The following NCS1 variants were observed in gnomAD, a reference collection of about 807,000 sequenced individuals.
NCS1 encodes frequenin homolog.
In NCS1, 6 loss-of-function variants were observed where a neutral mutation model predicts 28.4. The ratio of observed to expected loss-of-function variants is 0.21; its 90% CI spans 0.12 to 0.42. The LOEUF (loss-of-function observed/expected upper bound fraction) is 0.42. NCS1 is among the 10% of genes least tolerant of loss of function. The pLI, the probability that NCS1 is intolerant of heterozygous loss-of-function variation, is 1.00. For synonymous variants in NCS1, 86 were observed against 99.3 expected, an observed-to-expected ratio of 0.87 and a Z score of 0.79; for missense variants, 131 against 241.4, an observed-to-expected ratio of 0.54 and a Z score of 3.03.
intron 2 of NCS1, among the ~76,000 whole-genome samples, chr9:130,216,706 ACT>A (rs1236355414): frequency 7.1e-6 from 1 of 141,202 alleles, no homozygotes; most frequent in Non-Finnish European, 1.5e-5. Context: ...ACACAGTGAG[ACT>A]CTGTCTCAAA....
chr9:130,219,075 G>A lies in NCS1; in HGVS notation c.229-650G>A, dbSNP rs1302464977. ...ATGTGGTAGCTTGTGTCACCTCCGG[G>A]CAGTGGCTGCACGGATAGCTGTTGG... On this transcript the variant is annotated intron_variant, in intron 3 of 7. Coordinates refer to ENST00000372398, the MANE Select transcript of NCS1 (RefSeq NM_014286.4). This position sits in a 1 kb window ranked among gnomAD's most constrained non-coding sequence, Gnocchi z 5.7. Among the ~76,000 whole-genome samples the A allele has an allele frequency of 2.0e-5, 3 of 152,104 alleles. No homozygotes were observed. The highest frequency in any genetic ancestry group is 7.2e-5 in the African/African-American group (3 of 41,420).
Position 130,236,339 on chromosome 9 carries a change from G to C in NCS1, c.*3367G>C, listed in dbSNP as rs946880936. 8 of 152,116 alleles carry C rather than the reference G, an allele frequency of 5.3e-5. No homozygotes were observed. Among genetic ancestry groups the C allele is most frequent in the Non-Finnish European group, 8.8e-5 (6 of 68,012 alleles). The allele number at this position is 152,116 out of a possible 1,614,324, so 9.4% of individuals were successfully genotyped here. A position where few individuals can be genotyped will look rare whatever the true frequency, so the allele number is the denominator to read the frequency against. ...GCGGCGCGCCCCCTGGTGGTGGTAA[G>C]CCGCCAACGCACCTGGGGGCTGCAA... On this transcript the variant is annotated 3_prime_UTR_variant, in exon 8 of 8. Coordinates refer to ENST00000372398, the MANE Select transcript of NCS1 (RefSeq NM_014286.4).
At position 130,172,491 on chromosome 9, in the gene NCS1, C is replaced by T. The variant is rs1208731219; in HGVS notation, c.-173C>T. On this transcript the variant is annotated 5_prime_UTR_variant, in exon 1 of 8. Transcript: ENST00000372398. ...CGCCGCGGCGCCCGGACCGCCCGGG[C>T]CTGCCCAGCGGCCGCCCCACGCCCC... 1 of 149,200 alleles carries T rather than the reference C, an allele frequency of 6.7e-6. No individual in the cohort carries two copies. The highest frequency in any genetic ancestry group is 1.4e-5 in the Non-Finnish European group (1 of 69,730). The allele number at this position is 149,200 out of a possible 1,614,324, so 9.2% of individuals were successfully genotyped here. A position where few individuals can be genotyped will look rare whatever the true frequency, so the allele number is the denominator to read the frequency against.
chr9:130,233,469 G>A lies in NCS1; in HGVS notation c.*497G>A, dbSNP rs1001603412. On this transcript the variant is annotated 3_prime_UTR_variant, in exon 8 of 8. Coordinates refer to ENST00000372398, the MANE Select transcript of NCS1 (RefSeq NM_014286.4). The surrounding 1 kb of genome is among the most constrained non-coding windows in gnomAD (Gnocchi z 4.8). ...CCGGAGAGGCTGTGGGTGGGCCGAG[G>A]GTGTCTAGGGGTTCTGCCTGGTCAA... The A allele has an allele frequency of 2.0e-5, 3 of 152,518 alleles. No homozygotes were observed. The highest frequency in any genetic ancestry group is 2.9e-5 in the Non-Finnish European group (2 of 68,034). 9.4% of individuals were successfully genotyped at this position (152,518 alleles called of 1,614,324 possible). A position where few individuals can be genotyped will look rare whatever the true frequency, so the allele number is the denominator to read the frequency against.
At chr9:130,203,671 CCTGGGCCT>C (rs1388419081) in intron 2 of NCS1, among the ~76,000 whole-genome samples, 1 of 152,178 alleles carries the variant, frequency 6.6e-6, no homozygotes, top group Non-Finnish European at 1.5e-5. Flanking sequence ...GAGCTGTCTG[CCTGGGCCT>C]CTTCCAGGGC....
chr9:130,190,826 G>A (rs535849153), intron 1 of NCS1, among the ~76,000 whole-genome samples: 106 of 152,284 alleles, frequency 7.0e-4, no homozygotes, highest in African/African-American at 2.3e-3. Flanking sequence ...CTGTGAAACC[G>A]CAGTTTCTTG....
rs895389753 is a variant in NCS1, at chr9:130,191,864, G to T, written c.65-9094G>T. Among the ~76,000 whole-genome samples, 1 of 152,232 alleles carries T rather than the reference G, an allele frequency of 6.6e-6. No individual in the cohort carries two copies. The highest frequency in any genetic ancestry group is 2.4e-5 in the African/African-American group (1 of 41,456). On this transcript the variant is annotated intron_variant, in intron 1 of 7. Coordinates refer to ENST00000372398, the MANE Select transcript of NCS1 (RefSeq NM_014286.4). This position sits in a 1 kb window ranked among gnomAD's most constrained non-coding sequence, Gnocchi z 6.4. ...TGTGCCCCAGCCCAGTGCTGGACCA[G>T]TCCTGGCTGGCACTCAGCGAACTGG...
chr9:130,193,871 TG>T (rs1427374569), intron 1 of NCS1: 1 of 152,352 alleles, frequency 6.6e-6, no homozygotes, highest in African/African-American at 2.4e-5. Context: ...TTTAGTAAGA[TG>T]GGTCACTCGT....
chr9:130,196,069 G>T (rs1832874756), intron 1 of NCS1, among the ~76,000 whole-genome samples: 1 of 152,176 alleles, frequency 6.6e-6, no homozygotes. Flanking sequence ...TGGCATCTGG[G>T]TGGAGGCTGA....
At chr9:130,210,171 C>T (rs556979470) in intron 2 of NCS1, among the ~76,000 whole-genome samples, 3 of 152,060 alleles carry the variant, frequency 2.0e-5, no homozygotes, top group Non-Finnish European at 4.4e-5. Context: ...GAGGTTGAGG[C>T]GGCCAGATCA....
At position 130,233,359 on chromosome 9, in the gene NCS1, C is replaced by T. The variant is rs1588129191; in HGVS notation, c.*387C>T. The T allele has an allele frequency of 6.6e-6, 1 of 152,314 alleles. No individual in the cohort carries two copies. The highest frequency in any genetic ancestry group is 2.4e-5 in the African/African-American group (1 of 41,432). The allele number at this position is 152,314 out of a possible 1,614,324, so 9.4% of individuals were successfully genotyped here. A position where few individuals can be genotyped will look rare whatever the true frequency, so the allele number is the denominator to read the frequency against. ...GAAAAAAAAACAACTACCTTCTGTC[C>T]TAGAAGACACAGACTGACAGATGGG... is the stretch of plus-strand genomic sequence containing the variant. On this transcript the variant is annotated 3_prime_UTR_variant, in exon 8 of 8. Coordinates refer to ENST00000372398, the MANE Select transcript of NCS1 (RefSeq NM_014286.4). The surrounding 1 kb of genome is among the most constrained non-coding windows in gnomAD (Gnocchi z 4.8).
chr9:130,189,991 A>G (rs1027596777), intron 1 of NCS1, among the ~76,000 whole-genome samples: 3 of 141,802 alleles, frequency 2.1e-5, no homozygotes, highest in Non-Finnish European at 4.5e-5. Context: ...TCTGGCAGGA[A>G]AGATGGCTTG....
chr9:130,213,995 G>T (rs1833149122), intron 2 of NCS1, among the ~76,000 whole-genome samples: 1 of 152,234 alleles, frequency 6.6e-6, no homozygotes, highest in Non-Finnish European at 1.5e-5. Flanking sequence ...CTGGGCTCTT[G>T]TTCCCTCTGC....
At position 130,173,202 on chromosome 9, in the gene NCS1, G is replaced by A. The variant is rs113837559; in HGVS notation, c.64+475G>A. Among the ~76,000 whole-genome samples the A allele has an allele frequency of 2.7e-3, 406 of 151,736 alleles. 3 individuals are homozygous for A. The highest frequency in any genetic ancestry group is 4.3e-3 in the Non-Finnish European group (291 of 67,868). On this transcript the variant is annotated intron_variant, in intron 1 of 7. Coordinates refer to ENST00000372398, the MANE Select transcript of NCS1 (RefSeq NM_014286.4). The stretch of plus-strand genomic sequence containing the variant: ...CCCCTCCCTGGCCCCGTTCGTGTGG[G>A]GGGGGGGGTGGCGAGACTTGGCACA...
At chr9:130,224,576 A>G (rs1433371938) in intron 6 of NCS1, among the ~76,000 whole-genome samples, 1 of 151,590 alleles carries the variant, frequency 6.6e-6, no homozygotes, top group Non-Finnish European at 1.5e-5. Flanking sequence ...AAAATAAAAT[A>G]AAAGGAACCA....
At position 130,176,200 on chromosome 9, in the gene NCS1, T is replaced by C. The variant is rs1832568599; in HGVS notation, c.64+3473T>C. Among the ~76,000 whole-genome samples the C allele has an allele frequency of 1.5e-5, 2 of 134,878 alleles. 1 individual carries two copies. The highest frequency in any genetic ancestry group is 4.7e-4 in the East Asian group (2 of 4,242). 88.5% of individuals were successfully genotyped at this position (134,878 alleles called of 152,430 possible). ...TTTCTTTCTTTCTTTCTTTCTTTTT[T>C]TTTTTTTTTGGAGACAGGGTCTGGC... On this transcript the variant is annotated intron_variant, in intron 1 of 7. Transcript: ENST00000372398.
intron 1 of NCS1, among the ~76,000 whole-genome samples, chr9:130,179,123 G>A (rs1410081034): frequency 1.3e-5 from 2 of 151,514 alleles, no homozygotes; most frequent in East Asian, 3.9e-4. Context: ...AGTAGAGACG[G>A]GGTTTCACCA....
rs546093381 is a variant in NCS1, at chr9:130,226,307, T to C, written c.475-82T>C. ...TCCTGATCTAACCTTGGAAGGGCTC[T>C]TGGGACCGGCCCTGGGCTGGGCTTG... On this transcript the variant is annotated intron_variant, in intron 6 of 7. Coordinates refer to ENST00000372398, the MANE Select transcript of NCS1 (RefSeq NM_014286.4). This position sits in a 1 kb window ranked among gnomAD's most constrained non-coding sequence, Gnocchi z 4.8. 1.0e-5 allele frequency: 13 copies of C among 1,241,264 alleles called. No homozygotes were observed. Among genetic ancestry groups the C allele is most frequent in the Non-Finnish European group, 4.7e-6 (4 of 855,368 alleles). The allele number at this position is 1,241,264 out of a possible 1,614,324, so 76.9% of individuals were successfully genotyped here.
chr9:130,190,065 A>AGAGAG (rs61046186), intron 1 of NCS1, among the ~76,000 whole-genome samples: 3 of 146,634 alleles, frequency 2.0e-5, no homozygotes, highest in South Asian at 2.2e-4. Flanking sequence ...AGAGAGAGAG[A>AGAGAG]ATATATGTGG....
Sources: allele counts gnomAD v4.1 joint callset (sites outside exome capture counted in the v4.1 genomes callset), GRCh38; gene constraint gnomAD v4.1.1; non-coding constraint Gnocchi (gnomAD v3.1); transcripts MANE v1.5; gene names NCBI Gene and HGNC (gene_info 2026-07-23, HGNC 2026-07-21).